Variants in MCPH1 observed in about 807,000 individuals in gnomAD.
MCPH1 encodes the protein microcephalin.
Under a neutral mutation model 84.5 loss-of-function variants are expected in MCPH1, and 104 were observed. The ratio of observed to expected loss-of-function variants is 1.23; its 90% CI spans 1.05 to 1.45. The LOEUF is 1.45. Ranked by LOEUF, MCPH1 falls within the 40% of genes most tolerant of loss-of-function variation. MCPH1 has a pLI of 0.00. For synonymous variants in MCPH1, 514 were observed against 366.8 expected, an observed-to-expected ratio of 1.40 and a Z score of -4.58; for missense variants, 1,498 against 1,005.7, an observed-to-expected ratio of 1.49 and a Z score of -6.62.
At chr8:6,531,886 T>C (rs533711830) in intron 12 of MCPH1, among the ~76,000 whole-genome samples, 7 of 152,338 alleles carry the variant, frequency 4.6e-5, no homozygotes, top group South Asian at 2.1e-4. Flanking sequence ...CTGTGTTAGC[T>C]GTTGAGATTC....
intron 12 of MCPH1, among the ~76,000 whole-genome samples, chr8:6,600,421 T>C (rs1225589983): frequency 1.3e-5 from 2 of 152,168 alleles, no homozygotes; most frequent in Non-Finnish European, 2.9e-5. Flanking sequence ...TGTCCATCTT[T>C]GACATTTAAG....
At chr8:6,632,710 G>A (rs1248973039) in intron 13 of MCPH1, among the ~76,000 whole-genome samples, 1 of 152,196 alleles carries the variant, frequency 6.6e-6, no homozygotes, top group Admixed American at 6.5e-5. Context: ...TCGGGAGGCT[G>A]AGGCAGGAGA....
chr8:6,444,333 G>C (rs1803937662), intron 7 of MCPH1, 60 bp from the exon 8 acceptor site: 1 of 1,602,370 alleles, frequency 6.2e-7, no homozygotes, highest in East Asian at 2.2e-5. Flanking sequence ...TCAACTGAAA[G>C]TTGAATATAG....
At chr8:6,428,420 C>G (rs1168491886) in intron 3 of MCPH1, among the ~76,000 whole-genome samples, 1 of 152,108 alleles carries the variant, frequency 6.6e-6, no homozygotes, top group Non-Finnish European at 1.5e-5. Flanking sequence ...GGTTGTTATG[C>G]GGCATATAAC....
intron 12 of MCPH1, among the ~76,000 whole-genome samples, chr8:6,594,510 C>T (rs966067327): frequency 6.6e-6 from 1 of 152,226 alleles, no homozygotes; most frequent in Non-Finnish European, 1.5e-5. Flanking sequence ...TGATCATATC[C>T]AGTGAATTCT....
At chr8:6,516,469 C>A (rs538841801) in intron 12 of MCPH1, among the ~76,000 whole-genome samples, 1 of 152,112 alleles carries the variant, frequency 6.6e-6, no homozygotes, top group East Asian at 1.9e-4. Context: ...ATCATGCTGC[C>A]AAAAACAGAG....
chr8:6,625,782 T>A lies in MCPH1; in HGVS notation c.2452+4091T>A, dbSNP rs1037430784. 6 of 983,464 alleles carry A rather than the reference T, an allele frequency of 6.1e-6. No individual in the cohort carries two copies. In the African/African-American group the frequency reaches 1.1e-4, roughly 17 times the overall value. The allele number at this position is 983,464 out of a possible 1,614,324, so 60.9% of individuals were successfully genotyped here. A position where few individuals can be genotyped will look rare whatever the true frequency, so the allele number is the denominator to read the frequency against. On this transcript the variant is annotated intron_variant, in intron 13 of 13. Coordinates refer to ENST00000344683, the MANE Select transcript of MCPH1 (RefSeq NM_024596.5). ...CTAGGCAACAGAGCAAGACCCCATCTCTAAAAAGAAAAAAAAAAGAATCAT... is the reference window on the plus strand; with the variant it reads ...CTAGGCAACAGAGCAAGACCCCATCACTAAAAAGAAAAAAAAAAGAATCAT...
chr8:6,484,221 A>G (rs1277727609), intron 11 of MCPH1, among the ~76,000 whole-genome samples: 2 of 152,166 alleles, frequency 1.3e-5, no homozygotes, highest in Non-Finnish European at 2.9e-5. Context: ...AAGAAAACAG[A>G]ACAGCTCAAA....
chr8:6,517,024 G>T (rs879323054), intron 12 of MCPH1, among the ~76,000 whole-genome samples: 1 of 152,142 alleles, frequency 6.6e-6, no homozygotes, highest in Non-Finnish European at 1.5e-5. Context: ...AAGAACAGAG[G>T]ATTTGTAAAA....
chr8:6,474,300 G>T, intron 9 of MCPH1: 4 of 511,842 alleles, frequency 7.8e-6, no homozygotes, highest in East Asian at 3.4e-5. Context: ...TCTGATATGT[G>T]GTTTTTCCAA....
At chr8:6,559,617 G>C (rs1825205049) in intron 12 of MCPH1, among the ~76,000 whole-genome samples, 1 of 152,062 alleles carries the variant, frequency 6.6e-6, no homozygotes, top group Admixed American at 6.5e-5. Context: ...GTTGTTTATA[G>C]GTATGAGGCA....
intron 11 of MCPH1, among the ~76,000 whole-genome samples, chr8:6,483,547 A>G (rs544585882): frequency 3.9e-5 from 6 of 152,342 alleles, no homozygotes; most frequent in Admixed American, 2.6e-4. Flanking sequence ...AAGGCAATTC[A>G]GTGGAGAAAT....
intron 12 of MCPH1, among the ~76,000 whole-genome samples, chr8:6,575,975 C>CGA (rs1827049344): frequency 6.7e-6 from 1 of 148,714 alleles, no homozygotes; most frequent in African/African-American, 2.5e-5. Flanking sequence ...TCCAGAACTG[C>CGA]GAGAGAGTGG....
chr8:6,537,558 A>G (rs1820732953), intron 12 of MCPH1, among the ~76,000 whole-genome samples: 1 of 151,426 alleles, frequency 6.6e-6, no homozygotes, highest in African/African-American at 2.4e-5. Context: ...ATATATATAT[A>G]TATGTTTACA....
At chr8:6,529,662 A>C (rs1261788924) in intron 12 of MCPH1, among the ~76,000 whole-genome samples, 1 of 128,452 alleles carries the variant, frequency 7.8e-6, no homozygotes, top group African/African-American at 3.0e-5. Context: ...ATGGGGTTTC[A>C]CCATGTTGCT....
chr8:6,532,826 G>C (rs1819782040), intron 12 of MCPH1, among the ~76,000 whole-genome samples: 1 of 152,190 alleles, frequency 6.6e-6, no homozygotes, highest in Admixed American at 6.5e-5. Flanking sequence ...GGCCACTGTG[G>C]GGTTGTGTCT....
intron 9 of MCPH1, among the ~76,000 whole-genome samples, chr8:6,459,488 T>C (rs1202311356): frequency 1.3e-5 from 2 of 152,202 alleles, no homozygotes; most frequent in Non-Finnish European, 2.9e-5. Context: ...CAAAATTGTT[T>C]CTATTTCCTA....
At chr8:6,540,380 G>C (rs1309035866) in intron 12 of MCPH1, among the ~76,000 whole-genome samples, 2 of 152,172 alleles carry the variant, frequency 1.3e-5, no homozygotes, top group Non-Finnish European at 2.9e-5. Context: ...TAAGTTTAAG[G>C]AGACTGCTGT....
chr8:6,633,272 T>C (rs1247485733), intron 13 of MCPH1, among the ~76,000 whole-genome samples: 1 of 152,196 alleles, frequency 6.6e-6, no homozygotes, highest in Non-Finnish European at 1.5e-5. Flanking sequence ...TGTCATACAG[T>C]TGTCTACATA....
Sources: gnomAD v4.1 joint callset for allele counts (sites outside exome capture counted in the v4.1 genomes callset) on GRCh38, gnomAD v4.1.1 for gene constraint, MANE v1.5 for transcripts, NCBI Gene and HGNC (gene_info 2026-07-23, HGNC 2026-07-21) for gene names.